The following MSH3 variants were observed in gnomAD, a reference collection of about 807,000 sequenced individuals.
MSH3 encodes DNA mismatch repair protein Msh3.
Under a neutral mutation model 123.3 loss-of-function variants are expected in MSH3, and 106 were observed. The ratio of observed to expected loss-of-function variants is 0.86; its 90% CI spans 0.73 to 1.01. The LOEUF is 1.01. Among genes scored for constraint, MSH3 ranks in the 50% least tolerant of loss-of-function variants. MSH3 has a pLI of 0.00. For missense variants in MSH3, 1,459 were observed against 1,347.6 expected, an observed-to-expected ratio of 1.08 and a Z score of -1.29; for synonymous variants, 515 against 481.4, an observed-to-expected ratio of 1.07 and a Z score of -0.91.
intron 8 of MSH3, among the ~76,000 whole-genome samples, chr5:80,689,712 GTTC>G (rs1172197769): frequency 1.3e-5 from 2 of 149,394 alleles, no homozygotes; most frequent in Non-Finnish European, 3.0e-5. Flanking sequence ...GGAAGACCGA[GTTC>G]TTTTTTTTTT....
intron 19 of MSH3, among the ~76,000 whole-genome samples, chr5:80,811,899 T>C (rs1267648421): frequency 1.3e-5 from 2 of 152,304 alleles, no homozygotes; most frequent in Admixed American, 6.5e-5. Flanking sequence ...ATTCATTTTA[T>C]TTTTATCATT....
intron 20 of MSH3, among the ~76,000 whole-genome samples, chr5:80,846,890 C>T (rs115245390): frequency 0.012 from 1,836 of 152,310 alleles, 39 homozygotes; most frequent in African/African-American, 0.042. Context: ...CAACGCCCTG[C>T]CCTGTTTCAG....
intron 18 of MSH3, among the ~76,000 whole-genome samples, chr5:80,788,008 G>A (rs958447658): frequency 6.6e-6 from 1 of 152,112 alleles, no homozygotes; most frequent in African/African-American, 2.4e-5. Context: ...AGGGACTGAG[G>A]GGCATTTTAG....
intron 20 of MSH3, among the ~76,000 whole-genome samples, chr5:80,820,755 CTTAAG>C (rs1745191260): frequency 6.6e-6 from 1 of 152,162 alleles, no homozygotes. Context: ...AAAGAAAACA[CTTAAG>C]TTTAGGTATG....
chr5:80,800,000 A>G (rs907481311), intron 19 of MSH3, among the ~76,000 whole-genome samples: 8 of 152,238 alleles, frequency 5.3e-5, no homozygotes, highest in African/African-American at 1.9e-4. Flanking sequence ...CTTCCCCCAC[A>G]GAAGTTGACA....
At chr5:80,830,483 G>T (rs546593234) in intron 20 of MSH3, among the ~76,000 whole-genome samples, 24 of 152,156 alleles carry the variant, frequency 1.6e-4, no homozygotes, top group African/African-American at 5.1e-4. Flanking sequence ...GGTTATATTG[G>T]GTTCCCCTGT....
intron 20 of MSH3, among the ~76,000 whole-genome samples, chr5:80,832,160 T>C (rs1317919717): frequency 6.6e-6 from 1 of 151,908 alleles, no homozygotes; most frequent in Non-Finnish European, 1.5e-5. Flanking sequence ...ACAAAGCACT[T>C]AGAGGATAAA....
chr5:80,770,809 A>G (rs764281734), intron 15 of MSH3, among the ~76,000 whole-genome samples: 32 of 152,234 alleles, frequency 2.1e-4, no homozygotes, highest in Non-Finnish European at 3.7e-4. Flanking sequence ...TCTTGGAAAG[A>G]CGGTCCTGGA....
rs6151721 is a variant in MSH3 at position 80,722,586 on chromosome 5, C to T, written c.1341-2867C>T. Among the ~76,000 whole-genome samples, 573 of 152,264 alleles carry T rather than the reference C, an allele frequency of 3.8e-3. 2 individuals are homozygous for T. Among genetic ancestry groups the T allele is most frequent in the Middle Eastern group, 0.027 (8 of 294 alleles). ...AGTCCCCTGATGCTGGGCCGGGCCCCACCCAACACCTGTTCCTGTTTCAGA... is the reference window on the plus strand; with the variant it reads ...AGTCCCCTGATGCTGGGCCGGGCCCTACCCAACACCTGTTCCTGTTTCAGA... On this transcript the variant is annotated intron_variant, in intron 8 of 23. Transcript: ENST00000265081.
At chr5:80,665,448 C>T in intron 3 of MSH3, 85 bp downstream of exon 3, 2 of 1,019,110 alleles carry the variant, frequency 2.0e-6, no homozygotes, top group South Asian at 1.4e-5. Context: ...TCATTCATGG[C>T]AATGGTTCCT....
intron 12 of MSH3, among the ~76,000 whole-genome samples, chr5:80,756,893 A>G (rs2112876941): frequency 6.6e-6 from 1 of 152,296 alleles, no homozygotes; most frequent in Non-Finnish European, 1.5e-5. Context: ...CCTATGGTTC[A>G]TGTTTCTGAC....
chr5:80,796,395 G>T (rs1352387582), intron 19 of MSH3, among the ~76,000 whole-genome samples: 1 of 150,410 alleles, frequency 6.6e-6, no homozygotes, highest in Non-Finnish European at 1.5e-5. Flanking sequence ...GAATATTCCA[G>T]AATATTCGTT....
At chr5:80,860,266 C>T (rs4704686) in intron 21 of MSH3, among the ~76,000 whole-genome samples, 17,150 of 152,172 alleles carry the variant, frequency 0.11, 1,292 homozygotes, top group East Asian at 0.33. Context: ...TATGTAGATA[C>T]AAGTTTCTGA....
intron 20 of MSH3, among the ~76,000 whole-genome samples, chr5:80,822,351 G>A (rs916899268): frequency 6.6e-6 from 1 of 152,158 alleles, no homozygotes; most frequent in Non-Finnish European, 1.5e-5. Flanking sequence ...AGTTGATACT[G>A]CTAACCCTCA....
chr5:80,778,680 T>C (rs747108945), intron 16 of MSH3, 40 bp from the exon 17 acceptor site: 13 of 1,189,486 alleles, frequency 1.1e-5, no homozygotes, highest in Non-Finnish European at 1.5e-5. Flanking sequence ...GATTTTTTAC[T>C]AACCTTGATT....
chr5:80,721,058 A>C (rs1751069136), intron 8 of MSH3, among the ~76,000 whole-genome samples: 1 of 152,080 alleles, frequency 6.6e-6, no homozygotes, highest in African/African-American at 2.4e-5. Context: ...GCAATTATTA[A>C]TTTTCCACCA....
At chr5:80,719,893 C>G (rs184331673) in intron 8 of MSH3, among the ~76,000 whole-genome samples, 1 of 152,192 alleles carries the variant, frequency 6.6e-6, no homozygotes, top group Non-Finnish European at 1.5e-5. Flanking sequence ...AATTACCTGG[C>G]AGGCTTGTTA....
chr5:80,824,247 C>T (rs143878537), intron 20 of MSH3, among the ~76,000 whole-genome samples: 17,030 of 152,104 alleles, frequency 0.11, 1,267 homozygotes, highest in East Asian at 0.33. Flanking sequence ...GGCAGAGGGG[C>T]TCCTCACTTC....
At position 80,675,095 on chromosome 5, in the gene MSH3, C is replaced by CA. The variant is rs587776701; in HGVS notation, c.1148dup (p.Asn385GlnfsTer19). 6.8e-6 allele frequency: 11 copies of CA among 1,610,164 alleles called. No individual in the cohort carries two copies. Among genetic ancestry groups the CA allele is most frequent in the Middle Eastern group, 1.7e-4 (1 of 6,034 alleles). ...CTGAAAATAAGGAAAATGTTAGGGA[C>CA]AAAAAAAAGGGCAACATTTTTATTG... On this transcript the variant is annotated frameshift_variant, in exon 7 of 24. Transcript: ENST00000265081. LOFTEE classifies it high-confidence loss of function.
Sources: gnomAD v4.1 joint callset for allele counts (sites outside exome capture counted in the v4.1 genomes callset) on GRCh38, gnomAD v4.1.1 for gene constraint, MANE v1.5 for transcripts, NCBI Gene and HGNC (gene_info 2026-07-23, HGNC 2026-07-21) for gene names.